Variants in GALNTL5 observed in about 807,000 individuals in gnomAD.
The protein encoded by GALNTL5 is polypeptide N-acetylgalactosaminyltransferase like 5.
Under a neutral mutation model 51.0 loss-of-function variants are expected in GALNTL5, and 44 were observed. The observed-to-expected ratio is 0.86, with a 90% CI of 0.68 to 1.11. GALNTL5 has a LOEUF of 1.11. GALNTL5 is among the 50% of genes least tolerant of loss of function. The pLI is 0.00. For synonymous variants in GALNTL5, 192 were observed against 182.8 expected (o/e 1.05, Z -0.41); for missense variants, 528 against 531.8 (o/e 0.99, Z 0.07).
chr7:151,982,868 A>T (rs935706109), intron 3 of GALNTL5, 118 bp from the exon 4 acceptor site: 2 of 1,586,164 alleles, frequency 1.3e-6, no homozygotes, highest in African/African-American at 1.3e-5. Context: ...TACCATAATT[A>T]TCAGTTGAAG....
intron 5 of GALNTL5, among the ~76,000 whole-genome samples, chr7:151,988,715 C>CT (rs3037136): frequency 0.034 from 4,836 of 143,184 alleles, 212 homozygotes; most frequent in African/African-American, 0.1. Flanking sequence ...ATTTATTTTA[C>CT]TTTTTTTTTT....
intron 6 of GALNTL5, among the ~76,000 whole-genome samples, chr7:152,005,539 T>C (rs1422240825): frequency 6.6e-6 from 1 of 152,136 alleles, no homozygotes; most frequent in East Asian, 1.9e-4. Flanking sequence ...GAGATGTCTA[T>C]TTGGCATTCA....
At chr7:152,012,445 A>G (rs1009083803) in intron 7 of GALNTL5, among the ~76,000 whole-genome samples, 2 of 2,814 alleles carry the variant, frequency 7.1e-4, no homozygotes, top group African/African-American at 4.1e-3. Context: ...GGAATGCTAT[A>G]CTCTGCTGCT....
chr7:152,016,551 C>T (rs2081817089), intron 8 of GALNTL5, among the ~76,000 whole-genome samples: 1 of 152,142 alleles, frequency 6.6e-6, no homozygotes. Context: ...ATCTGAATAC[C>T]TTGTGATTCA....
intron 2 of GALNTL5, 121 bp from the exon 3 acceptor site, chr7:151,970,824 C>A (rs1012091584): frequency 6.5e-6 from 5 of 766,466 alleles, no homozygotes; most frequent in Non-Finnish European, 1.0e-5. Context: ...TTGCACAGAT[C>A]GATTTCCGAA....
chr7:151,994,170 C>A (rs1414354216), intron 5 of GALNTL5, among the ~76,000 whole-genome samples: 1 of 152,220 alleles, frequency 6.6e-6, no homozygotes, highest in East Asian at 1.9e-4. Context: ...ATGTAGGTGG[C>A]TGCCTGAGCC....
At chr7:152,014,856 A>G in intron 8 of GALNTL5, 63 bp downstream of exon 8, 2 of 1,453,426 alleles carry the variant, frequency 1.4e-6, no homozygotes, top group Non-Finnish European at 1.9e-6. Context: ...TGTTCTGAGG[A>G]AGCCTGCTGC....
At chr7:152,018,553 GTTAAC>G (rs2081848438) in intron 8 of GALNTL5, among the ~76,000 whole-genome samples, 2 of 152,262 alleles carry the variant, frequency 1.3e-5, no homozygotes, top group African/African-American at 4.8e-5. Context: ...AGAGCAAAAA[GTTAAC>G]TTAAAGGGAT....
Position 151,956,550 on chromosome 7 carries a change from G to C in GALNTL5, c.-99G>C, listed in dbSNP as rs10952334. The C allele has an allele frequency of 0.72, 109,559 of 152,004 alleles. 39,646 individuals are homozygous for C. Among genetic ancestry groups the C allele is most frequent in the Admixed American group, 0.76 (11,662 of 15,270 alleles). The allele number at this position is 152,004 out of a possible 1,614,324, so 9.4% of individuals were successfully genotyped here. A position where few individuals can be genotyped will look rare whatever the true frequency, so the allele number is the denominator to read the frequency against. ...TCGGCACAGACCCCTGCCTCATTCAGCTGTGACTCTGCTTGGAAAATTCAT... is the reference window on the plus strand; with the variant it reads ...TCGGCACAGACCCCTGCCTCATTCACCTGTGACTCTGCTTGGAAAATTCAT... On this transcript the variant is annotated 5_prime_UTR_variant, in exon 1 of 9. Coordinates refer to ENST00000392800, the MANE Select transcript of GALNTL5 (RefSeq NM_145292.4).
chr7:151,992,454 T>A (rs1049236840), intron 5 of GALNTL5, among the ~76,000 whole-genome samples: 2 of 152,200 alleles, frequency 1.3e-5, no homozygotes, highest in African/African-American at 4.8e-5. Flanking sequence ...GGGAGGCTCC[T>A]TCCCTGCCTC....
intron 5 of GALNTL5, among the ~76,000 whole-genome samples, chr7:151,989,562 A>G (rs12670289): frequency 0.57 from 86,774 of 152,136 alleles, 25,609 homozygotes; most frequent in Middle Eastern, 0.72. Flanking sequence ...TCATGAACAT[A>G]TATCTTTGTG....
intron 3 of GALNTL5, among the ~76,000 whole-genome samples, chr7:151,971,962 A>C (rs892655502): frequency 1.6e-4 from 24 of 152,212 alleles, no homozygotes; most frequent in Non-Finnish European, 3.1e-4. Context: ...GCAATTACCC[A>C]GTCTCAGGTA....
chr7:151,973,979 C>T lies in GALNTL5; in HGVS notation c.368+2914C>T, dbSNP rs1238658799. ...TTAAAGTGGAAGTTTCCCCCGTGCT[C>T]GCTCTCTGTCCTGCTGCCGTGTAAA... is the stretch of plus-strand genomic sequence containing the variant. On this transcript the variant is annotated intron_variant, in intron 3 of 8. Transcript: ENST00000392800. 5.9e-5 allele frequency among the ~76,000 whole-genome samples: 9 copies of T among 152,236 alleles called. No individual in the cohort carries two copies. The Middle Eastern group carries it at 0.01, about 173-fold the overall frequency.
At chr7:151,964,032 T>G (rs2081026839) in intron 1 of GALNTL5, among the ~76,000 whole-genome samples, 1 of 152,170 alleles carries the variant, frequency 6.6e-6, no homozygotes, top group African/African-American at 2.4e-5. Context: ...CCTACAGTTC[T>G]GGAGGCTGGA....
At chr7:151,976,064 A>T (rs1260263952) in intron 3 of GALNTL5, among the ~76,000 whole-genome samples, 1 of 152,148 alleles carries the variant, frequency 6.6e-6, no homozygotes, top group Non-Finnish European at 1.5e-5. Flanking sequence ...TAAAATGCTC[A>T]TGTGTGTCTG....
intron 8 of GALNTL5, among the ~76,000 whole-genome samples, chr7:152,017,498 G>A (rs750995382): frequency 1.6e-4 from 25 of 152,204 alleles, no homozygotes; most frequent in Middle Eastern, 6.8e-3. Context: ...CAAACACAAC[G>A]GAACTTATAC....
At chr7:151,979,902 T>C (rs1472851660) in intron 3 of GALNTL5, among the ~76,000 whole-genome samples, 1 of 152,202 alleles carries the variant, frequency 6.6e-6, no homozygotes, top group Non-Finnish European at 1.5e-5. Flanking sequence ...GGACGCAGTT[T>C]ATTTCCAGTT....
At chr7:151,958,466 C>T (rs1412537579) in intron 1 of GALNTL5, among the ~76,000 whole-genome samples, 1 of 152,216 alleles carries the variant, frequency 6.6e-6, no homozygotes, top group Admixed American at 6.5e-5. Flanking sequence ...CCCCCAAGGA[C>T]TGTTACAGCT....
chr7:152,014,770 C>A lies in GALNTL5; in HGVS notation c.1153C>A (p.His385Asn). The A allele has an allele frequency of 6.2e-7, 1 of 1,611,290 alleles. No individual in the cohort carries two copies. Residue 385 changes from histidine (H) to asparagine (N), a missense_variant, in exon 8 of 9, where the codon CAC becomes AAC. Physicochemically the swap from His to Asn is moderately conservative, Grantham distance 68 (BLOSUM62 1). Coordinates refer to ENST00000392800, the MANE Select transcript of GALNTL5 (RefSeq NM_145292.4). Reference sequence around the variant, plus strand: ...GACACATAACTACCTAAGACTGGTGCACGTTTGGCTGGATGAATATAAGGT... The same window carrying A: ...GACACATAACTACCTAAGACTGGTGAACGTTTGGCTGGATGAATATAAGGT... ...AMTHNYLRLV[H>N]VWLDEYKEQF...
Sources: allele counts gnomAD v4.1 joint callset (sites outside exome capture counted in the v4.1 genomes callset), GRCh38; gene constraint gnomAD v4.1.1; transcripts MANE v1.5; gene names NCBI Gene and HGNC (gene_info 2026-07-23, HGNC 2026-07-21).